FOXO3: variants seen among roughly 807,000 people sequenced by gnomAD.
FOXO3 encodes the protein forkhead box protein O3.
In FOXO3, 4 loss-of-function variants were observed where a neutral mutation model predicts 41.9. The ratio of observed to expected loss-of-function variants is 0.10; its 90% CI spans 0.05 to 0.22. FOXO3 has a LOEUF of 0.22. FOXO3 is among the 10% of genes least tolerant of loss of function. The probability of loss-of-function intolerance (pLI) is 1.00; values close to 1 mark genes in which losing one functional copy is unlikely to be tolerated. For missense variants in FOXO3, 534 were observed against 906.8 expected, an observed-to-expected ratio of 0.59 and a Z score of 5.28; for synonymous variants, 318 against 389.3, an observed-to-expected ratio of 0.82 and a Z score of 2.16.
At chr6:108,575,298 A>G (rs1425812258) in intron 1 of FOXO3, among the ~76,000 whole-genome samples, 1 of 151,820 alleles carries the variant, frequency 6.6e-6, no homozygotes, top group Non-Finnish European at 1.5e-5. Context: ...CATATTTCAT[A>G]TTAAGCTTGG....
In FOXO3 at chr6:108,682,640, C is replaced by T. The variant is rs1770909852; in HGVS notation, c.*2848C>T. The T allele has an allele frequency of 1.3e-5, 2 of 152,250 alleles. No homozygotes were observed. Among genetic ancestry groups the T allele is most frequent in the East Asian group, 1.9e-4 (1 of 5,190 alleles). 9.4% of individuals were successfully genotyped at this position (152,250 alleles called of 1,614,324 possible). On this transcript the variant is annotated 3_prime_UTR_variant, in exon 3 of 3. Coordinates refer to ENST00000406360, the MANE Select transcript of FOXO3 (RefSeq NM_001455.4). Reference sequence around the variant, plus strand: ...AAGTGGGCAGGGGTGCTGCCAGAGCCCTCTGCCCCTTATGTTGAGACCCTG... The same window carrying T: ...AAGTGGGCAGGGGTGCTGCCAGAGCTCTCTGCCCCTTATGTTGAGACCCTG...
At chr6:108,579,561 A>G (rs770870729) in intron 1 of FOXO3, among the ~76,000 whole-genome samples, 2 of 152,154 alleles carry the variant, frequency 1.3e-5, no homozygotes, top group Non-Finnish European at 2.9e-5. Context: ...AGTGCTGGGG[A>G]CAGTAGGATC....
chr6:108,652,895 C>T (rs13217795), intron 1 of FOXO3, among the ~76,000 whole-genome samples: 85,010 of 152,022 alleles, frequency 0.56, 26,563 homozygotes, highest in Non-Finnish European at 0.69. Flanking sequence ...CCATGGCATC[C>T]CATGACAGGT....
intron 1 of FOXO3, among the ~76,000 whole-genome samples, chr6:108,604,983 A>AT (rs886838679): frequency 2.2e-4 from 33 of 152,272 alleles, no homozygotes; most frequent in African/African-American, 7.9e-4. Context: ...CCACCACAGG[A>AT]TGTGGCCTCT....
At chr6:108,612,378 G>A (rs1479760007) in intron 1 of FOXO3, among the ~76,000 whole-genome samples, 7 of 151,994 alleles carry the variant, frequency 4.6e-5, no homozygotes, top group Admixed American at 3.9e-4. Context: ...TGATGATCAT[G>A]TCTATAAATA....
intron 1 of FOXO3, among the ~76,000 whole-genome samples, chr6:108,581,141 TGGGTCATTTG>T (rs1776410391): frequency 6.6e-6 from 1 of 152,186 alleles, no homozygotes; most frequent in Admixed American, 6.5e-5. Context: ...TGGAAGCCAG[TGGGTCATTTG>T]GGTCTAGTTT....
At chr6:108,570,814 T>G (rs1275634869) in intron 1 of FOXO3, among the ~76,000 whole-genome samples, 1 of 152,200 alleles carries the variant, frequency 6.6e-6, no homozygotes, top group Non-Finnish European at 1.5e-5. Flanking sequence ...ATATAGTGTT[T>G]CCATGTAAGT....
intron 1 of FOXO3, among the ~76,000 whole-genome samples, chr6:108,598,480 C>T (rs992093283): frequency 5.9e-5 from 9 of 152,126 alleles, no homozygotes; most frequent in African/African-American, 1.7e-4. Context: ...ACCACTGGCA[C>T]GCACTGACCC....
At chr6:108,679,318 G>A (rs1007237283) in intron 2 of FOXO3, among the ~76,000 whole-genome samples, 1 of 152,088 alleles carries the variant, frequency 6.6e-6, no homozygotes, top group African/African-American at 2.4e-5. Context: ...ACTGGTGTTG[G>A]GGTATTCGTG....
chr6:108,593,795 C>A (rs1338575616), intron 1 of FOXO3, among the ~76,000 whole-genome samples: 4 of 136,250 alleles, frequency 2.9e-5, no homozygotes, highest in Non-Finnish European at 6.1e-5. Flanking sequence ...TGGCTCACTG[C>A]AACCTCTGTC....
intron 1 of FOXO3, among the ~76,000 whole-genome samples, chr6:108,595,825 G>A (rs180827329): frequency 2.6e-5 from 4 of 152,220 alleles, no homozygotes; most frequent in Admixed American, 6.5e-5. Context: ...GGGGCCTGAT[G>A]GTGTTCAAAT....
chr6:108,610,559 G>A (rs917091921), intron 1 of FOXO3, among the ~76,000 whole-genome samples: 4 of 152,248 alleles, frequency 2.6e-5, no homozygotes, highest in South Asian at 2.1e-4. Context: ...GAGAGAGAAC[G>A]CATTCATACT....
intron 1 of FOXO3, among the ~76,000 whole-genome samples, chr6:108,648,774 C>T (rs909883449): frequency 2.2e-4 from 34 of 151,806 alleles, no homozygotes; most frequent in Non-Finnish European, 1.9e-4. Flanking sequence ...GTAGGAGGTT[C>T]GCTTGAGGCC....
At chr6:108,639,848 A>G (rs1778209449) in intron 1 of FOXO3, among the ~76,000 whole-genome samples, 2 of 152,204 alleles carry the variant, frequency 1.3e-5, no homozygotes, top group African/African-American at 4.8e-5. Flanking sequence ...CTAAATATTT[A>G]TTGAACACAA....
chr6:108,671,051 A>G (rs995692776), intron 2 of FOXO3, among the ~76,000 whole-genome samples: 8 of 152,232 alleles, frequency 5.3e-5, no homozygotes, highest in African/African-American at 1.9e-4. Flanking sequence ...TTTGTCGTAG[A>G]GCCAAAGACT....
At chr6:108,561,943 G>A (rs1335264557) in intron 1 of FOXO3, 114 bp downstream of exon 1, 2 of 1,411,114 alleles carry the variant, frequency 1.4e-6, no homozygotes, top group African/African-American at 3.0e-5. Context: ...GGGTTGGCAG[G>A]GGGAGCCTCC....
At chr6:108,677,050 A>G (rs1770627597) in intron 2 of FOXO3, among the ~76,000 whole-genome samples, 1 of 152,216 alleles carries the variant, frequency 6.6e-6, no homozygotes, top group East Asian at 1.9e-4. Context: ...TGTCCTCTGC[A>G]AGAGTTGCCT....
intron 1 of FOXO3, among the ~76,000 whole-genome samples, chr6:108,626,501 TGAA>T (rs1372469875): frequency 1.3e-5 from 2 of 152,130 alleles, no homozygotes; most frequent in Admixed American, 1.3e-4. Flanking sequence ...ATTTTTGAGA[TGAA>T]GAACAACTAT....
At chr6:108,632,310 T>C (rs1777994565) in intron 1 of FOXO3, among the ~76,000 whole-genome samples, 1 of 152,120 alleles carries the variant, frequency 6.6e-6, no homozygotes, top group Admixed American at 6.6e-5. Context: ...AAGGGGTAGC[T>C]GGGGAACAGG....
Sources: allele counts gnomAD v4.1 joint callset (sites outside exome capture counted in the v4.1 genomes callset), GRCh38; gene constraint gnomAD v4.1.1; transcripts MANE v1.5; gene names NCBI Gene and HGNC (gene_info 2026-07-23, HGNC 2026-07-21).